UBE2E3: variants seen among roughly 807,000 people sequenced by gnomAD.
UBE2E3 encodes ubiquitin-conjugating enzyme E2 E3.
Under a neutral mutation model 23.6 loss-of-function variants are expected in UBE2E3, and 5 were observed. That is an observed-to-expected ratio of 0.21 (90% CI 0.11 to 0.44). The LOEUF is 0.44. UBE2E3 is among the 20% of genes least tolerant of loss of function. UBE2E3 has a pLI of 0.99. For missense variants in UBE2E3, 81 were observed against 249.8 expected (o/e 0.32, Z 4.55); for synonymous variants, 78 against 87.5 (o/e 0.89, Z 0.60).
At chr2:181,062,153 G>A (rs1423259811) in intron 5 of UBE2E3, among the ~76,000 whole-genome samples, 1 of 151,704 alleles carries the variant, frequency 6.6e-6, no homozygotes, top group African/African-American at 2.4e-5. Flanking sequence ...CTTCTGAGCA[G>A]TTGGAGTCAG....
chr2:181,030,166 T>TTGG (rs921313508), intron 3 of UBE2E3, among the ~76,000 whole-genome samples: 2 of 151,842 alleles, frequency 1.3e-5, no homozygotes, highest in African/African-American at 2.4e-5. Flanking sequence ...TTGGTTGTCT[T>TTGG]TGGTGGTGGT....
At chr2:180,994,417 A>G (rs1684766318) in intron 3 of UBE2E3, among the ~76,000 whole-genome samples, 1 of 152,166 alleles carries the variant, frequency 6.6e-6, no homozygotes, top group South Asian at 2.1e-4. Context: ...TATTACATTA[A>G]AAAAATCTCA....
chr2:181,053,117 T>C (rs1686891019), intron 3 of UBE2E3, among the ~76,000 whole-genome samples: 1 of 151,798 alleles, frequency 6.6e-6, no homozygotes, highest in Admixed American at 6.6e-5. Context: ...TTCTCCTTGG[T>C]TTATAAAGAT....
chr2:181,003,452 T>C (rs1184588327), intron 3 of UBE2E3, among the ~76,000 whole-genome samples: 4 of 143,276 alleles, frequency 2.8e-5, no homozygotes, highest in African/African-American at 9.9e-5. Flanking sequence ...ATGTCTACTT[T>C]TGAAGAACTT....
chr2:180,981,455 C>G (rs1200154286), intron 1 of UBE2E3: 4 of 152,126 alleles, frequency 2.6e-5, no homozygotes, highest in Non-Finnish European at 5.9e-5. Flanking sequence ...CGCTGCTGGC[C>G]GTGGAAACAG....
chr2:181,037,021 A>G (rs1002753275), intron 3 of UBE2E3, among the ~76,000 whole-genome samples: 17 of 152,216 alleles, frequency 1.1e-4, no homozygotes, highest in African/African-American at 4.1e-4. Context: ...TATGCATTGT[A>G]TAATGACATT....
intron 3 of UBE2E3, among the ~76,000 whole-genome samples, chr2:181,023,837 A>G (rs16867375): frequency 0.015 from 2,220 of 152,268 alleles, 58 homozygotes; most frequent in African/African-American, 0.05. Flanking sequence ...TGATACATGG[A>G]AAGTTCATAA....
chr2:181,029,831 T>G (rs1049687154), intron 3 of UBE2E3, among the ~76,000 whole-genome samples: 2 of 148,050 alleles, frequency 1.4e-5, no homozygotes, highest in Non-Finnish European at 1.5e-5. Context: ...TATCAATTAA[T>G]TCGGTCCCTT....
chr2:180,996,086 T>C (rs557120139), intron 3 of UBE2E3, among the ~76,000 whole-genome samples: 1 of 152,180 alleles, frequency 6.6e-6, no homozygotes, highest in Non-Finnish European at 1.5e-5. Flanking sequence ...ATTGCTGTTA[T>C]CATCTTTATA....
intron 3 of UBE2E3, among the ~76,000 whole-genome samples, chr2:180,997,528 GTGT>G (rs1322498728): frequency 1.3e-5 from 2 of 151,706 alleles, no homozygotes; most frequent in African/African-American, 4.8e-5. Flanking sequence ...TTTCACCCTT[GTGT>G]TGTTTATCCC....
rs1191753767 is a variant in UBE2E3, at chr2:181,060,724, G to A, written c.438G>A (p.Leu146=). Reference sequence around the variant, plus strand: ...TCAACAGTCAGGGAGTCATCTGTCTGGACATCCTTAAAGACAACTGGAGTC... The same window carrying A: ...TCAACAGTCAGGGAGTCATCTGTCTAGACATCCTTAAAGACAACTGGAGTC... ...CNINSQGVIC[L]DILKDNWSPA... Residue 146 remains leucine, a synonymous_variant, in exon 5 of 6, where the codon CTG becomes CTA. Coordinates refer to ENST00000410062, the MANE Select transcript of UBE2E3 (RefSeq NM_006357.4). 7 of 1,611,084 alleles carry A rather than the reference G, an allele frequency of 4.3e-6. No homozygotes were observed. The highest frequency in any genetic ancestry group is 5.9e-6 in the Non-Finnish European group (7 of 1,178,400).
intron 3 of UBE2E3, among the ~76,000 whole-genome samples, chr2:181,024,691 CTACT>C (rs1179433871): frequency 6.6e-6 from 1 of 151,982 alleles, no homozygotes; most frequent in Non-Finnish European, 1.5e-5. Flanking sequence ...ATTTTAGTGA[CTACT>C]TATATGCTCA....
In UBE2E3 at chr2:181,058,486, C is replaced by T. The variant is rs372013461; in HGVS notation, c.378+661C>T. On this transcript the variant is annotated intron_variant, in intron 4 of 5. Coordinates refer to ENST00000410062, the MANE Select transcript of UBE2E3 (RefSeq NM_006357.4). ...TAACAATTACTTGAATGGCTCCCTC[C>T]GCTAACTTCTGTTTCTACAATGGTC... Among the ~76,000 whole-genome samples the T allele has an allele frequency of 3.2e-4, 49 of 151,760 alleles. No homozygotes were observed. The East Asian group carries it at 7.2e-3, about 22-fold the overall frequency.
rs1418876048 is a variant in UBE2E3, at chr2:181,044,278, G to T, written c.246-13415G>T. 2.0e-5 allele frequency among the ~76,000 whole-genome samples: 3 copies of T among 151,996 alleles called. No homozygotes were observed. In the East Asian group the frequency reaches 5.8e-4, roughly 29 times the overall value. On this transcript the variant is annotated intron_variant, in intron 3 of 5. Coordinates refer to ENST00000410062, the MANE Select transcript of UBE2E3 (RefSeq NM_006357.4). The stretch of plus-strand genomic sequence containing the variant: ...AATAAGTACTGAAAAAGTGAATAGT[G>T]CAAAATATACAGTGCTACAACTAAA...
At chr2:181,004,665 A>G (rs1055972878) in intron 3 of UBE2E3, among the ~76,000 whole-genome samples, 4 of 151,996 alleles carry the variant, frequency 2.6e-5, no homozygotes, top group African/African-American at 9.7e-5. Flanking sequence ...GTAACTTTTG[A>G]TTTGGGACTA....
chr2:181,062,339 A>G (rs1476680794), intron 5 of UBE2E3, among the ~76,000 whole-genome samples: 1 of 151,690 alleles, frequency 6.6e-6, no homozygotes, highest in Non-Finnish European at 1.5e-5. Flanking sequence ...GTAAATATTG[A>G]TAGTGATTAG....
chr2:181,008,177 C>T (rs543379623), intron 3 of UBE2E3, among the ~76,000 whole-genome samples: 22 of 152,154 alleles, frequency 1.4e-4, no homozygotes, highest in Non-Finnish European at 2.9e-4. Context: ...GCCAATCAGG[C>T]ATATGTTATT....
chr2:180,992,657 G>A (rs4666664), intron 3 of UBE2E3, among the ~76,000 whole-genome samples: 35,275 of 151,656 alleles, frequency 0.23, 4,464 homozygotes, highest in Non-Finnish European at 0.28. Context: ...CACCATGCCT[G>A]ACTAACTTTT....
chr2:181,012,635 C>G (rs1005048256), intron 3 of UBE2E3, among the ~76,000 whole-genome samples: 14 of 152,140 alleles, frequency 9.2e-5, no homozygotes, highest in African/African-American at 3.4e-4. Flanking sequence ...GAATGTCTGA[C>G]TGAGTAAAAT....
Sources: allele counts gnomAD v4.1 joint callset (sites outside exome capture counted in the v4.1 genomes callset), GRCh38; gene constraint gnomAD v4.1.1; transcripts MANE v1.5; gene names NCBI Gene and HGNC (gene_info 2026-07-23, HGNC 2026-07-21).